The following SENP7 variants were observed in gnomAD, a reference collection of about 807,000 sequenced individuals.
SENP7 encodes sentrin-specific protease 7.
In SENP7, 64 loss-of-function variants were observed where a neutral mutation model predicts 141.2. The ratio of observed to expected loss-of-function variants is 0.45; its 90% confidence interval spans 0.37 to 0.56. The LOEUF is 0.56. Ranked by LOEUF, SENP7 falls within the 20% of genes least tolerant of loss-of-function variation. The pLI is 0.00. For missense variants in SENP7, 1,025 were observed against 1,212.2 expected, an observed-to-expected ratio of 0.85 and a Z score of 2.29; for synonymous variants, 382 against 426.4, an observed-to-expected ratio of 0.90 and a Z score of 1.28.
At chr3:101,335,283 T>C (rs1304135332) in intron 17 of SENP7, among the ~76,000 whole-genome samples, 1 of 152,170 alleles carries the variant, frequency 6.6e-6, no homozygotes, top group African/African-American at 2.4e-5. Context: ...TCTTTCAGGA[T>C]CTCATAAAGC....
At chr3:101,401,851 G>C (rs2061152556) in intron 5 of SENP7, among the ~76,000 whole-genome samples, 1 of 152,008 alleles carries the variant, frequency 6.6e-6, no homozygotes, top group Non-Finnish European at 1.5e-5. Flanking sequence ...TAGTATGGTG[G>C]CATGCACCTG....
intron 4 of SENP7, among the ~76,000 whole-genome samples, chr3:101,421,955 G>T (rs879553217): frequency 3.9e-5 from 6 of 152,188 alleles, no homozygotes; most frequent in Non-Finnish European, 7.3e-5. Flanking sequence ...AAAGTTAGGT[G>T]AGTGGTTATC....
rs376271312 is a variant in SENP7 at position 101,343,845 on chromosome 3, T to C, written c.1947A>G (p.Leu649=). Residue 649 remains leucine (L), a synonymous_variant, in exon 14 of 24, where the codon TTA becomes TTG. Transcript: ENST00000394095. The stretch of plus-strand genomic sequence containing the variant: ...CCCAAGACAACGGGTAAGAAAGCTC[T>C]AATTCTCCACTGATTATACTTATTT... The part of the protein sequence containing the change: ...MTEISIISGE[L]ELSYPLSWVQ... The C allele has an allele frequency of 1.2e-6, 2 of 1,613,366 alleles. No individual in the cohort carries two copies. The highest frequency in any genetic ancestry group is 1.3e-5 in the African/African-American group (1 of 74,926).
chr3:101,481,548 G>C (rs2064482288), intron 3 of SENP7, among the ~76,000 whole-genome samples: 1 of 152,166 alleles, frequency 6.6e-6, no homozygotes. Context: ...CATACAGCTA[G>C]ATAGAAGGAG....
At chr3:101,408,852 T>C (rs183604831) in intron 5 of SENP7, among the ~76,000 whole-genome samples, 10 of 152,266 alleles carry the variant, frequency 6.6e-5, no homozygotes, top group Non-Finnish European at 1.5e-4. Flanking sequence ...GTTGAAAGCA[T>C]TCCCTCTGAG....
In SENP7 at chr3:101,361,798, T is replaced by C. The variant is rs1409719572; in HGVS notation, c.1540A>G (p.Asn514Asp). The C allele has an allele frequency of 1.9e-6, 3 of 1,608,928 alleles. No homozygotes were observed. Among genetic ancestry groups the C allele is most frequent in the African/African-American group, 2.7e-5 (2 of 74,694 alleles). ...AAATCCAGTTGTAGATCCATCTCAT[T>C]ACTAGGCATAATACTGGAAATGTTC... is the stretch of plus-strand genomic sequence containing the variant. ...MENISSIMPS[N>D]EMDLQLDFIF... The change falls in exon 11 of 24, where the codon AAT (asparagine) becomes GAT (aspartate). Residue 514 changes from asparagine (N) to aspartate (D), a missense_variant. Transcript: ENST00000394095.
chr3:101,373,521 C>T (rs1161593275), intron 6 of SENP7, among the ~76,000 whole-genome samples: 2 of 152,006 alleles, frequency 1.3e-5, no homozygotes, highest in African/African-American at 4.8e-5. Context: ...AAGAAGCAAA[C>T]AGTGTAATAG....
intron 5 of SENP7, among the ~76,000 whole-genome samples, chr3:101,406,077 T>C (rs2107608531): frequency 6.6e-6 from 1 of 152,300 alleles, no homozygotes; most frequent in East Asian, 1.9e-4. Context: ...AGCAATCCCA[T>C]TACTGGGTAT....
chr3:101,343,438 C>T (rs571757604), intron 14 of SENP7, among the ~76,000 whole-genome samples: 6 of 151,812 alleles, frequency 4.0e-5, no homozygotes, highest in Non-Finnish European at 7.4e-5. Flanking sequence ...ATTATTTATT[C>T]ATTCATTTAC....
Position 101,424,406 on chromosome 3 carries a change from C to T in SENP7, c.285-6616G>A, listed in dbSNP as rs552842602. 5.9e-5 allele frequency among the ~76,000 whole-genome samples: 9 copies of T among 151,692 alleles called. No individual in the cohort carries two copies. In the South Asian group the frequency reaches 1.9e-3, roughly 32 times the overall value. On this transcript the variant is annotated intron_variant, in intron 4 of 23. Coordinates refer to ENST00000394095, the MANE Select transcript of SENP7 (RefSeq NM_020654.5). ...CAGCAGCATGTGACTGTGCATGCAC[C>T]CTGCCCTGCCACTGTGTGAGTGCAG...
rs1576105747 is a variant in SENP7, at chr3:101,365,681, A to G, written c.1319-690T>C. ...AAGAACTTTCTAATTAATGCAATTT[A>G]TTTTTAATAATCCTGTTAAACTGAA... On this transcript the variant is annotated intron_variant, in intron 9 of 23. Coordinates refer to ENST00000394095, the MANE Select transcript of SENP7 (RefSeq NM_020654.5). Among the ~76,000 whole-genome samples, 4 of 149,192 alleles carry G rather than the reference A, an allele frequency of 2.7e-5. No individual in the cohort carries two copies. In the East Asian group the frequency reaches 7.9e-4, roughly 29 times the overall value.
chr3:101,431,765 C>A (rs148559491), intron 4 of SENP7, among the ~76,000 whole-genome samples: 1 of 142,836 alleles, frequency 7.0e-6, no homozygotes, highest in Non-Finnish European at 1.5e-5. Flanking sequence ...GCCTGGCGGA[C>A]AGAGCCAGAC....
At chr3:101,442,878 C>A (rs989970965) in intron 4 of SENP7, among the ~76,000 whole-genome samples, 3 of 151,846 alleles carry the variant, frequency 2.0e-5, no homozygotes, top group African/African-American at 7.2e-5. Flanking sequence ...GCCAACAGGA[C>A]ACATGCTACA....
chr3:101,436,253 T>A lies in SENP7; in HGVS notation c.285-18463A>T, dbSNP rs553980944. Among the ~76,000 whole-genome samples, 4 of 152,180 alleles carry A rather than the reference T, an allele frequency of 2.6e-5. No individual in the cohort carries two copies. In the East Asian group the frequency reaches 7.7e-4, roughly 29 times the overall value. On this transcript the variant is annotated intron_variant, in intron 4 of 23. Transcript: ENST00000394095. The stretch of plus-strand genomic sequence containing the variant: ...CAATAAACTAGACCCCTATCTCTCA[T>A]CATATACATAAATCAAATCAAAATG...
At position 101,344,363 on chromosome 3, in the gene SENP7, T is replaced by C. The variant is rs373166658; in HGVS notation, c.1838-409A>G. 8.5e-5 allele frequency among the ~76,000 whole-genome samples: 13 copies of C among 152,354 alleles called. No individual in the cohort carries two copies. In the East Asian group the frequency reaches 2.3e-3, roughly 27 times the overall value. The stretch of plus-strand genomic sequence containing the variant: ...CTCCTCAGTCATTTCAATGGTGATC[T>C]GAAGACATTCTCTTCCCACAGAATG... On this transcript the variant is annotated intron_variant, in intron 13 of 23. Coordinates refer to ENST00000394095, the MANE Select transcript of SENP7 (RefSeq NM_020654.5).
chr3:101,464,002 T>G (rs1304024070), intron 3 of SENP7, among the ~76,000 whole-genome samples: 1 of 152,024 alleles, frequency 6.6e-6, no homozygotes, highest in Non-Finnish European at 1.5e-5. Flanking sequence ...TTTTTTGTAT[T>G]TTTAGTAGAG....
At chr3:101,332,154 C>A (rs759352959) in intron 18 of SENP7, 45 bp from the exon 19 acceptor site, 4 of 1,580,012 alleles carry the variant, frequency 2.5e-6, no homozygotes, top group Non-Finnish European at 3.5e-6. Context: ...AAAGTCTAAA[C>A]AACATATAAT....
At chr3:101,359,894 CCTGA>C (rs1225316222) in intron 11 of SENP7, among the ~76,000 whole-genome samples, 8 of 151,834 alleles carry the variant, frequency 5.3e-5, no homozygotes, top group East Asian at 1.9e-4. Flanking sequence ...AACATGTCCA[CCTGA>C]CTGTGTAATA....
In SENP7 at chr3:101,501,107, T is replaced by C. The variant is rs760856010; in HGVS notation, c.53A>G (p.Glu18Gly). 6.2e-7 allele frequency: 1 copy of C among 1,607,682 alleles called. No homozygotes were observed. Among genetic ancestry groups the C allele is most frequent in the Admixed American group, 1.7e-5 (1 of 59,052 alleles). The change falls in exon 2 of 24, where the codon GAA becomes GGA. Residue 18 changes from glutamate to glycine, a missense_variant. Around this residue, in one of 4 missense-constraint regions of SENP7, gnomAD observed 496 missense variants for 503.5 expected, o/e 0.99. Coordinates refer to ENST00000394095, the MANE Select transcript of SENP7 (RefSeq NM_020654.5). ...AGAAGATGACTTTTTCCTTTTTCCT[T>C]CTGTGATGATTTCTACAAAAACCAA... The part of the protein sequence containing the change: ...RRPSSSEIIT[E>G]GKRKKSSSDL...
Sources: gnomAD v4.1 joint callset for allele counts (sites outside exome capture counted in the v4.1 genomes callset) on GRCh38, gnomAD v4.1.1 for gene constraint, gnomAD v4.1.1 regional missense constraint, MANE v1.5 for transcripts, NCBI Gene and HGNC (gene_info 2026-07-23, HGNC 2026-07-21) for gene names.